Variants in GDPD5 observed in about 807,000 individuals in gnomAD.
GDPD5 encodes glycerophosphodiester phosphodiesterase 2.
In GDPD5, 48 loss-of-function variants were observed where a neutral mutation model predicts 75.1. That is an observed-to-expected ratio of 0.64 (90% confidence interval 0.51 to 0.81). The LOEUF (loss-of-function observed/expected upper bound fraction) is 0.81. Ranked by LOEUF, GDPD5 falls within the 40% of genes least tolerant of loss-of-function variation. The pLI is 0.00. For synonymous variants in GDPD5, 336 were observed against 339.0 expected, an observed-to-expected ratio of 0.99 and a Z score of 0.10; for missense variants, 706 against 822.6, an observed-to-expected ratio of 0.86 and a Z score of 1.73.
chr11:75,456,238 A>T (rs1368614375), intron 6 of GDPD5, among the ~76,000 whole-genome samples: 3 of 152,182 alleles, frequency 2.0e-5, no homozygotes, highest in Non-Finnish European at 4.4e-5. Flanking sequence ...CAGGGGCCAG[A>T]TCATGCCAGG....
chr11:75,465,782 T>C lies in GDPD5; in HGVS notation c.118-2893A>G, dbSNP rs1430387588. On this transcript the variant is annotated intron_variant, in intron 3 of 16. Transcript: ENST00000336898. ...TGTGCCTCTGACCAGCAGAGAAGGT[T>C]CTGAGAGGGACCTAGGCGAGGGGTG... Among the ~76,000 whole-genome samples, 4 of 151,988 alleles carry C rather than the reference T, an allele frequency of 2.6e-5. No homozygotes were observed. In the East Asian group the frequency reaches 7.7e-4, roughly 29 times the overall value.
intron 4 of GDPD5, among the ~76,000 whole-genome samples, chr11:75,458,793 G>A (rs529021739): frequency 6.7e-6 from 1 of 149,958 alleles, no homozygotes; most frequent in African/African-American, 2.4e-5. Context: ...CTTTGTTTTT[G>A]TTTGTTTGTT....
intron 1 of GDPD5, among the ~76,000 whole-genome samples, chr11:75,493,468 C>A (rs1047334547): frequency 6.6e-6 from 1 of 152,000 alleles, no homozygotes; most frequent in Non-Finnish European, 1.5e-5. Flanking sequence ...TCAGGCAAAT[C>A]ATGGCAGACT....
In GDPD5 at chr11:75,435,725, G is replaced by C. The variant is rs1054620434; in HGVS notation, c.1670-70C>G. ...GTCGTGAGGATGGGTGACAGATGGG[G>C]CAGGAAGGCTGCACCACCCAGCGGG... On this transcript the variant is annotated intron_variant, in intron 16 of 16. Coordinates refer to ENST00000336898, the MANE Select transcript of GDPD5 (RefSeq NM_030792.8). 10 of 1,496,370 alleles carry C rather than the reference G, an allele frequency of 6.7e-6. No homozygotes were observed. The African/African-American group carries it at 1.4e-4, about 21-fold the overall frequency. 92.7% of individuals were successfully genotyped at this position (1,496,370 alleles called of 1,614,324 possible).
intron 3 of GDPD5, among the ~76,000 whole-genome samples, chr11:75,476,028 C>T (rs965011703): frequency 1.7e-4 from 26 of 152,168 alleles, no homozygotes; most frequent in African/African-American, 5.8e-4. Flanking sequence ...CTGGGAGATA[C>T]GCCTTCCCCA....
intron 4 of GDPD5, among the ~76,000 whole-genome samples, chr11:75,458,209 T>G (rs776942364): frequency 1.3e-5 from 2 of 152,214 alleles, no homozygotes; most frequent in Non-Finnish European, 2.9e-5. Context: ...TTTCACTGTC[T>G]TGTAGGACCT....
chr11:75,512,861 G>C (rs937401655), intron 1 of GDPD5, among the ~76,000 whole-genome samples: 2 of 152,170 alleles, frequency 1.3e-5, no homozygotes, highest in Non-Finnish European at 2.9e-5. Context: ...GTTGCAGCCT[G>C]GGCAACAAGA....
intron 3 of GDPD5, among the ~76,000 whole-genome samples, chr11:75,476,313 G>A (rs1949776715): frequency 6.6e-6 from 1 of 151,936 alleles, no homozygotes; most frequent in African/African-American, 2.4e-5. Context: ...CTGGCACTGT[G>A]CCAGTCACGT....
intron 5 of GDPD5, 48 bp downstream of exon 5, chr11:75,457,645 C>T: frequency 2.0e-6 from 3 of 1,533,414 alleles, no homozygotes; most frequent in Non-Finnish European, 2.7e-6. Context: ...GCCAGTATCC[C>T]TTCCCCTGGG....
At chr11:75,484,903 C>A (rs1949992137) in intron 2 of GDPD5, among the ~76,000 whole-genome samples, 2 of 152,138 alleles carry the variant, frequency 1.3e-5, no homozygotes, top group Admixed American at 1.3e-4. Flanking sequence ...CCTTGACAAC[C>A]TTCCTGAGCA....
chr11:75,514,260 T>C (rs923847167), intron 1 of GDPD5, among the ~76,000 whole-genome samples: 1 of 152,224 alleles, frequency 6.6e-6, no homozygotes, highest in African/African-American at 2.4e-5. Flanking sequence ...CAGGACCCTA[T>C]CTGCTGTCTT....
At chr11:75,474,492 G>A (rs567726317) in intron 3 of GDPD5, among the ~76,000 whole-genome samples, 1 of 152,308 alleles carries the variant, frequency 6.6e-6, no homozygotes, top group South Asian at 2.1e-4. Flanking sequence ...TGTTGAGTGA[G>A]CCTGGCCTCC....
intron 5 of GDPD5, 36 bp from the exon 6 acceptor site, chr11:75,456,852 TG>T (rs1433572750): frequency 1.2e-6 from 2 of 1,605,854 alleles, no homozygotes; most frequent in Non-Finnish European, 1.7e-6. Flanking sequence ...GTCAGGCCCG[TG>T]TGGGCGGGAA....
At chr11:75,472,016 G>A (rs561642831) in intron 3 of GDPD5, among the ~76,000 whole-genome samples, 27 of 152,296 alleles carry the variant, frequency 1.8e-4, no homozygotes, top group Admixed American at 5.9e-4. Flanking sequence ...TCCTCAAAGC[G>A]CTGAAGGAGA....
At chr11:75,517,968 C>G (rs1339015758) in intron 1 of GDPD5, among the ~76,000 whole-genome samples, 1 of 152,128 alleles carries the variant, frequency 6.6e-6, no homozygotes, top group Non-Finnish European at 1.5e-5. Flanking sequence ...CAAAACTGAG[C>G]AAAACAAAAT....
chr11:75,513,615 G>A (rs547884135), intron 1 of GDPD5, among the ~76,000 whole-genome samples: 6 of 152,302 alleles, frequency 3.9e-5, no homozygotes, highest in African/African-American at 1.2e-4. Context: ...TTGACTCTCC[G>A]TGAAACTAAA....
At position 75,525,216 on chromosome 11, in the gene GDPD5, C is replaced by T. The variant is rs1486573430; in HGVS notation, c.-151G>A. The T allele has an allele frequency of 6.6e-6, 1 of 152,640 alleles. No individual in the cohort carries two copies. The highest frequency in any genetic ancestry group is 1.5e-5 in the Non-Finnish European group (1 of 68,430). The allele number at this position is 152,640 out of a possible 1,614,324, so 9.5% of individuals were successfully genotyped here. A position where few individuals can be genotyped will look rare whatever the true frequency, so the allele number is the denominator to read the frequency against. On this transcript the variant is annotated 5_prime_UTR_variant, in exon 1 of 17. Transcript: ENST00000336898. ...GCGCATCCGGGGCTCTCACCTGCAG[C>T]CTTGGCTCTCGCAGGCCGCCGGGAC...
At chr11:75,455,911 C>A (rs1030031080) in intron 6 of GDPD5, among the ~76,000 whole-genome samples, 6 of 152,192 alleles carry the variant, frequency 3.9e-5, no homozygotes, top group Non-Finnish European at 7.3e-5. Flanking sequence ...GCACTGGGAA[C>A]AGGGAGATGG....
At chr11:75,503,060 G>T (rs901254542) in intron 1 of GDPD5, among the ~76,000 whole-genome samples, 2 of 152,144 alleles carry the variant, frequency 1.3e-5, no homozygotes, top group Non-Finnish European at 2.9e-5. Context: ...TCGCTTTATC[G>T]CCCAGGCTGG....
Sources: allele counts gnomAD v4.1 joint callset (sites outside exome capture counted in the v4.1 genomes callset), GRCh38; gene constraint gnomAD v4.1.1; transcripts MANE v1.5; gene names NCBI Gene and HGNC (gene_info 2026-07-23, HGNC 2026-07-21).